Variants in PLCL1 observed in about 807,000 individuals in gnomAD.
The protein encoded by PLCL1 is phospholipase C like 1 (inactive), also known as inactive phospholipase C-like protein 1.
A neutral mutation model predicts 84.4 loss-of-function variants in PLCL1; 41 were observed. The ratio of observed to expected loss-of-function variants is 0.49; its 90% CI spans 0.38 to 0.63. PLCL1 has a LOEUF of 0.63. Ranked by LOEUF, PLCL1 falls within the 30% of genes least tolerant of loss-of-function variation. The probability of loss-of-function intolerance (pLI) is 0.00; values close to 1 mark genes in which losing one functional copy is unlikely to be tolerated. For synonymous variants in PLCL1, 490 were observed against 488.3 expected (o/e 1.00, Z -0.05); for missense variants, 1,206 against 1,367.8 (o/e 0.88, Z 1.87).
intron 1 of PLCL1, among the ~76,000 whole-genome samples, chr2:198,077,306 C>T (rs774921222): frequency 6.6e-6 from 1 of 151,904 alleles, no homozygotes; most frequent in Non-Finnish European, 1.5e-5. Flanking sequence ...GCACGTTGTG[C>T]ACATGTACCC....
rs1415900645 is a variant in PLCL1 at position 197,805,054 on chromosome 2, G to T, written c.-46G>T. On this transcript the variant is annotated 5_prime_UTR_variant, in exon 1 of 6. Coordinates refer to ENST00000428675, the MANE Select transcript of PLCL1 (RefSeq NM_006226.4). The surrounding 1 kb of genome is among the most constrained non-coding windows in gnomAD (Gnocchi z 4.0). ...CGGTGCCTAGCGGCTGGACTCCGCT[G>T]CCGGGCGTCCCGCTTTCCCCCGGGG... The T allele has an allele frequency of 1.4e-6, 2 of 1,418,702 alleles. No individual in the cohort carries two copies. The highest frequency in any genetic ancestry group is 1.8e-6 in the Non-Finnish European group (2 of 1,091,826). The allele number at this position is 1,418,702 out of a possible 1,614,324, so 87.9% of individuals were successfully genotyped here. A position where few individuals can be genotyped will look rare whatever the true frequency, so the allele number is the denominator to read the frequency against.
rs1287378262 is a variant in PLCL1 at position 197,976,898 on chromosome 2, A to C, written c.241-106860A>C. On this transcript the variant is annotated intron_variant, in intron 1 of 5. Transcript: ENST00000428675. The stretch of plus-strand genomic sequence containing the variant: ...CTCTTTGCAATCTTCTCTTGGGCTG[A>C]ATCTTGGCTTTATTCTCAGTGTAAC... 2.0e-5 allele frequency among the ~76,000 whole-genome samples: 3 copies of C among 152,224 alleles called. No individual in the cohort carries two copies. In the East Asian group the frequency reaches 5.8e-4, roughly 29 times the overall value.
intron 5 of PLCL1, among the ~76,000 whole-genome samples, chr2:198,145,418 A>G (rs1694495791): frequency 6.6e-6 from 1 of 152,208 alleles, no homozygotes; most frequent in South Asian, 2.1e-4. Context: ...GCAGGAGGCC[A>G]AAGGCCTGAA....
intron 1 of PLCL1, among the ~76,000 whole-genome samples, chr2:197,990,476 G>A (rs1574228970): frequency 1.3e-5 from 2 of 152,154 alleles, no homozygotes; most frequent in African/African-American, 4.8e-5. Flanking sequence ...AAATACCTAA[G>A]TGTGGTTCCA....
chr2:198,103,993 C>A, intron 5 of PLCL1, 57 bp downstream of exon 5: 1 of 795,132 alleles, frequency 1.3e-6, no homozygotes, highest in Non-Finnish European at 2.0e-6. Context: ...CTCATCTCTC[C>A]AATGTGTAGA....
chr2:197,875,741 C>T (rs564010966), intron 1 of PLCL1, among the ~76,000 whole-genome samples: 12 of 151,842 alleles, frequency 7.9e-5, no homozygotes, highest in Non-Finnish European at 1.3e-4. Context: ...AAAAAAAAAC[C>T]GTAGAACTGC....
chr2:197,941,023 AC>A lies in PLCL1; in HGVS notation c.240+135685del, dbSNP rs548747708. Among the ~76,000 whole-genome samples, 690 of 152,248 alleles carry A rather than the reference AC, an allele frequency of 4.5e-3. 7 individuals carry two copies. Among genetic ancestry groups the A allele is most frequent in the African/African-American group, 0.016 (653 of 41,496 alleles). On this transcript the variant is annotated intron_variant, in intron 1 of 5. Coordinates refer to ENST00000428675, the MANE Select transcript of PLCL1 (RefSeq NM_006226.4). Reference sequence around the variant, plus strand: ...GATATGCTTTTTAAGTTAAAAAAAAACTAATAAGTAATCATTATCTAAAGTT... The same window carrying A: ...GATATGCTTTTTAAGTTAAAAAAAAATAATAAGTAATCATTATCTAAAGTT...
intron 1 of PLCL1, among the ~76,000 whole-genome samples, chr2:198,036,241 C>G (rs1458658225): frequency 1.3e-5 from 2 of 152,090 alleles, no homozygotes; most frequent in East Asian, 1.9e-4. Context: ...GCTGGGCTTC[C>G]CCTTCCCATT....
intron 1 of PLCL1, among the ~76,000 whole-genome samples, chr2:197,999,233 A>G (rs1387609629): frequency 3.3e-5 from 5 of 152,280 alleles, no homozygotes; most frequent in Admixed American, 2.6e-4. Context: ...TGGAGGGGCA[A>G]AAAAGCTGGC....
intron 1 of PLCL1, among the ~76,000 whole-genome samples, chr2:197,866,736 C>T (rs1261797192): frequency 6.6e-6 from 1 of 152,142 alleles, no homozygotes; most frequent in Admixed American, 6.6e-5. Context: ...GCTCCAAGCA[C>T]CCACTCTGGC....
chr2:198,106,928 C>T (rs1693489730), intron 5 of PLCL1, among the ~76,000 whole-genome samples: 1 of 151,870 alleles, frequency 6.6e-6, no homozygotes, highest in East Asian at 1.9e-4. Context: ...AACTCACGCC[C>T]ATGGTTCTAT....
intron 1 of PLCL1, among the ~76,000 whole-genome samples, chr2:197,987,646 C>CT (rs1381857423): frequency 6.6e-6 from 1 of 152,118 alleles, no homozygotes. Context: ...AGACAGAGCC[C>CT]TTTTTTGGAT....
At chr2:198,031,524 T>G (rs1171655226) in intron 1 of PLCL1, among the ~76,000 whole-genome samples, 1 of 152,028 alleles carries the variant, frequency 6.6e-6, no homozygotes, top group Admixed American at 6.6e-5. Flanking sequence ...AGGGTCTCCT[T>G]CTGCCACCCA....
At chr2:198,002,164 A>C (rs1356350302) in intron 1 of PLCL1, among the ~76,000 whole-genome samples, 1 of 152,116 alleles carries the variant, frequency 6.6e-6, no homozygotes, top group Non-Finnish European at 1.5e-5. Flanking sequence ...TGGTGCCACA[A>C]ATGTTGGCAA....
In PLCL1 at chr2:198,132,915, C is replaced by G. The variant is rs557488201; in HGVS notation, c.3106-13865C>G. 6.6e-3 allele frequency among the ~76,000 whole-genome samples: 997 copies of G among 151,282 alleles called. 13 individuals carry two copies. The highest frequency in any genetic ancestry group is 0.023 in the African/African-American group (961 of 41,198). On this transcript the variant is annotated intron_variant, in intron 5 of 5. Transcript: ENST00000428675. ...TGAAGTCCTTGCCCATGCCTATGTC[C>G]TGAATGGTAATGCCTAGGTTTTCTT...
chr2:198,085,201 G>C lies in PLCL1; in HGVS notation c.1684G>C (p.Ala562Pro). 1 of 1,613,928 alleles carries C rather than the reference G, an allele frequency of 6.2e-7. No homozygotes were observed. Among genetic ancestry groups the C allele is most frequent in the Non-Finnish European group, 8.5e-7 (1 of 1,179,918 alleles). ...AGAAGTAACAGATGAAGATGAAGAA[G>C]CTGAAATGTCTCGAAGGATGTCGGT... ...EGEVTDEDEE[A>P]EMSRRMSVDY... Residue 562 changes from alanine (A) to proline (P), a missense_variant, in exon 2 of 6, where the codon GCT becomes CCT. Transcript: ENST00000428675. The surrounding 1 kb of genome is among the most constrained non-coding windows in gnomAD (Gnocchi z 5.3).
chr2:197,891,315 A>G (rs1688022050), intron 1 of PLCL1, among the ~76,000 whole-genome samples: 1 of 152,144 alleles, frequency 6.6e-6, no homozygotes, highest in South Asian at 2.1e-4. Context: ...CAAGGATGAG[A>G]CAGTCTTAAA....
At chr2:198,115,373 A>G (rs1693719754) in intron 5 of PLCL1, among the ~76,000 whole-genome samples, 1 of 151,838 alleles carries the variant, frequency 6.6e-6, no homozygotes, top group Non-Finnish European at 1.5e-5. Context: ...GTGTCTGGCC[A>G]TGTCACAGAT....
At chr2:197,852,815 T>C (rs1452704363) in intron 1 of PLCL1, among the ~76,000 whole-genome samples, 1 of 152,304 alleles carries the variant, frequency 6.6e-6, no homozygotes, top group South Asian at 2.1e-4. Flanking sequence ...AGGATATCTA[T>C]ATACATCTAT....
Sources: gnomAD v4.1 joint callset for allele counts (sites outside exome capture counted in the v4.1 genomes callset) on GRCh38, gnomAD v4.1.1 for gene constraint, Gnocchi (gnomAD v3.1) non-coding constraint, MANE v1.5 for transcripts, NCBI Gene and HGNC (gene_info 2026-07-23, HGNC 2026-07-21) for gene names.